Variants in PPP1R3A observed in about 807,000 individuals in gnomAD.
PPP1R3A encodes protein phosphatase 1 regulatory subunit 3A.
A neutral mutation model predicts 41.7 loss-of-function variants in PPP1R3A; 29 were observed. The ratio of observed to expected loss-of-function variants is 0.70; its 90% CI spans 0.52 to 0.95. The LOEUF (loss-of-function observed/expected upper bound fraction) is 0.95, where lower values mean the gene tolerates loss of function less well. Ranked by LOEUF, PPP1R3A falls within the 40% of genes least tolerant of loss-of-function variation. The pLI, the probability that PPP1R3A is intolerant of heterozygous loss-of-function variation, is 0.00. For synonymous variants in PPP1R3A, 485 were observed against 453.4 expected (o/e 1.07, Z -0.89); for missense variants, 1,352 against 1,292.4 (o/e 1.05, Z -0.71).
At position 113,888,419 on chromosome 7, in the gene PPP1R3A, T is replaced by C. The variant is rs185265325; in HGVS notation, c.783-6099A>G. Among the ~76,000 whole-genome samples the C allele has an allele frequency of 2.6e-5, 4 of 152,170 alleles. No individual in the cohort carries two copies. The East Asian group carries it at 7.7e-4, about 29-fold the overall frequency. On this transcript the variant is annotated intron_variant, in intron 1 of 3. Transcript: ENST00000284601. The stretch of plus-strand genomic sequence containing the variant: ...GAAGAAAGAGAAAAAGAACCAAATA[T>C]GAGTTTTAATTTTTGTTGTAGCATC...
rs1796670877 is a variant in PPP1R3A at position 113,880,320 on chromosome 7, G to T, written c.967-195C>A. Among the ~76,000 whole-genome samples, 3 of 151,950 alleles carry T rather than the reference G, an allele frequency of 2.0e-5. No individual in the cohort carries two copies. In the South Asian group the frequency reaches 6.2e-4, roughly 31 times the overall value. ...CTTGCAGGCTATGACTGGGGAACGA[G>T]ATTAGTAAGAAAGGGGGCCCAAATT... On this transcript the variant is annotated intron_variant, in intron 3 of 3. Transcript: ENST00000284601.
At chr7:113,881,895 A>G in intron 3 of PPP1R3A, 144 bp downstream of exon 3, 1 of 901,556 alleles carries the variant, frequency 1.1e-6, no homozygotes, top group Non-Finnish European at 1.8e-6. Flanking sequence ...TTGTTGATCA[A>G]GCTAGAGACG....
chr7:113,918,107 C>T, intron 1 of PPP1R3A, 108 bp downstream of exon 1: 4 of 1,093,632 alleles, frequency 3.7e-6, no homozygotes, highest in Non-Finnish European at 5.2e-6. Flanking sequence ...TTTTACATAG[C>T]AAGCAGTATA....
In PPP1R3A at chr7:113,890,711, A is replaced by G. The variant is rs78222458; in HGVS notation, c.783-8391T>C. ...TACAGAATAAAATAATGAAACATCA[A>G]TGGGGTAGAAATTGAAGGACATTTT... On this transcript the variant is annotated intron_variant, in intron 1 of 3. Coordinates refer to ENST00000284601, the MANE Select transcript of PPP1R3A (RefSeq NM_002711.4). 5.1e-3 allele frequency among the ~76,000 whole-genome samples: 780 copies of G among 152,214 alleles called. 7 individuals carry two copies. Among genetic ancestry groups the G allele is most frequent in the African/African-American group, 0.018 (741 of 41,552 alleles).
chr7:113,879,838 T>A lies in PPP1R3A; in HGVS notation c.1254A>T (p.Ser418=), dbSNP rs765365337. Residue 418 remains serine (S), a synonymous_variant, in exon 4 of 4, where the codon TCA becomes TCT. Transcript: ENST00000284601. ...TTSNMGEIKP[S]LGDTSSDELV... ...GTTCATCACTACTAGTATCTCCCAA[T>A]GATGGCTTGATTTCTCCCATATTTG... is the stretch of plus-strand genomic sequence containing the variant. The A allele has an allele frequency of 6.2e-7, 1 of 1,613,532 alleles. No homozygotes were observed.
chr7:113,881,882 G>T (rs1164160735), intron 3 of PPP1R3A, among the ~76,000 whole-genome samples, 157 bp downstream of exon 3: 1 of 152,040 alleles, frequency 6.6e-6, no homozygotes, highest in Non-Finnish European at 1.5e-5. Flanking sequence ...AAATCAAAGT[G>T]CCTTGTTGAT....
intron 1 of PPP1R3A, among the ~76,000 whole-genome samples, chr7:113,900,553 C>G (rs932126351): frequency 2.0e-5 from 3 of 150,120 alleles, no homozygotes; most frequent in Admixed American, 6.7e-5. Context: ...TTGATTTATA[C>G]ATATATCATT....
intron 1 of PPP1R3A, among the ~76,000 whole-genome samples, chr7:113,893,454 T>G (rs1023910094): frequency 1.3e-5 from 2 of 151,984 alleles, no homozygotes; most frequent in African/African-American, 4.8e-5. Context: ...TTCTACTACA[T>G]GTAATGGAAT....
In PPP1R3A at chr7:113,918,407, G is replaced by T. The variant is rs1412775436; in HGVS notation, c.590C>A (p.Pro197His). 1 of 1,613,310 alleles carries T rather than the reference G, an allele frequency of 6.2e-7. No individual in the cohort carries two copies. Residue 197 changes from proline to histidine, a missense_variant, in exon 1 of 4, where the codon CCT becomes CAT. Coordinates refer to ENST00000284601, the MANE Select transcript of PPP1R3A (RefSeq NM_002711.4). ...AACTTTACTGCCATCTTTTTGATAA[G>T]GAGGAACCAATACAATCTTAAAGGA... ...QFSFKIVLVP[P>H]YQKDGSKVEF...
At chr7:113,897,777 G>A (rs938708474) in intron 1 of PPP1R3A, among the ~76,000 whole-genome samples, 5 of 151,766 alleles carry the variant, frequency 3.3e-5, no homozygotes, top group African/African-American at 1.2e-4. Context: ...GATGAAGTGA[G>A]AAGCATTCAC....
chr7:113,909,838 A>G (rs1255857652), intron 1 of PPP1R3A, among the ~76,000 whole-genome samples: 1 of 152,118 alleles, frequency 6.6e-6, no homozygotes, highest in African/African-American at 2.4e-5. Flanking sequence ...AAGTGGCTAC[A>G]TTAAAGTCAT....
intron 1 of PPP1R3A, among the ~76,000 whole-genome samples, chr7:113,891,399 T>C (rs751629126): frequency 6.6e-6 from 1 of 152,054 alleles, no homozygotes. Flanking sequence ...CTCTGAGTTA[T>C]CTATATTTTT....
chr7:113,894,566 G>C (rs1243034575), intron 1 of PPP1R3A, among the ~76,000 whole-genome samples: 2 of 151,912 alleles, frequency 1.3e-5, no homozygotes. Context: ...CACAACGTAA[G>C]TGCTGACAGC....
At chr7:113,914,914 C>T (rs1412130873) in intron 1 of PPP1R3A, among the ~76,000 whole-genome samples, 1 of 151,890 alleles carries the variant, frequency 6.6e-6, no homozygotes, top group Non-Finnish European at 1.5e-5. Flanking sequence ...GTTTTGCATG[C>T]CATTTTAGCT....
chr7:113,898,821 G>T (rs753230284), intron 1 of PPP1R3A, among the ~76,000 whole-genome samples: 3 of 151,724 alleles, frequency 2.0e-5, no homozygotes, highest in Non-Finnish European at 4.4e-5. Flanking sequence ...TGAAGATAAG[G>T]CCCTGGCCAC....
In PPP1R3A at chr7:113,879,282, T is replaced by C; in HGVS notation, c.1810A>G (p.Thr604Ala). The change falls in exon 4 of 4, where the codon ACT (threonine) becomes GCT (alanine). Residue 604 changes from threonine to alanine, a missense_variant. Coordinates refer to ENST00000284601, the MANE Select transcript of PPP1R3A (RefSeq NM_002711.4). ...CCTCCTAAAGCGCTGCCTTCACTAGTCAAATGATGATGCTCTGGGGTTAAC... is the reference window on the plus strand; with the variant it reads ...CCTCCTAAAGCGCTGCCTTCACTAGCCAAATGATGATGCTCTGGGGTTAAC... ...AVLTPEHHHLTSEGSALGGIT... is the reference protein window; with the variant it reads ...AVLTPEHHHLASEGSALGGIT... The C allele has an allele frequency of 6.2e-7, 1 of 1,613,674 alleles. No individual in the cohort carries two copies. Among genetic ancestry groups the C allele is most frequent in the Non-Finnish European group, 8.5e-7 (1 of 1,179,732 alleles).
At chr7:113,907,937 G>C (rs543805531) in intron 1 of PPP1R3A, among the ~76,000 whole-genome samples, 1 of 151,760 alleles carries the variant, frequency 6.6e-6, no homozygotes, top group Non-Finnish European at 1.5e-5. Context: ...AGATGTAATA[G>C]TGACAAACAG....
At chr7:113,915,715 C>T (rs1229156110) in intron 1 of PPP1R3A, among the ~76,000 whole-genome samples, 1 of 151,046 alleles carries the variant, frequency 6.6e-6, no homozygotes, top group Admixed American at 6.6e-5. Flanking sequence ...CAGAAATGAC[C>T]CATTTAGATT....
chr7:113,897,166 A>G (rs985195972), intron 1 of PPP1R3A, among the ~76,000 whole-genome samples: 5 of 151,860 alleles, frequency 3.3e-5, no homozygotes, highest in African/African-American at 9.7e-5. Flanking sequence ...GGAGATACAG[A>G]CGCTTAGTTC....
Sources: gnomAD v4.1 joint callset for allele counts (sites outside exome capture counted in the v4.1 genomes callset) on GRCh38, gnomAD v4.1.1 for gene constraint, MANE v1.5 for transcripts, NCBI Gene and HGNC (gene_info 2026-07-23, HGNC 2026-07-21) for gene names.